BSN: variants seen among roughly 807,000 people sequenced by gnomAD.
BSN encodes protein bassoon.
A neutral mutation model predicts 264.8 loss-of-function variants in BSN; 57 were observed. That is an observed-to-expected ratio of 0.22 (90% CI 0.17 to 0.27). The LOEUF (loss-of-function observed/expected upper bound fraction) is 0.27. Among genes scored for constraint, BSN ranks in the 10% least tolerant of loss-of-function variants. The probability of loss-of-function intolerance (pLI) is 1.00; values close to 1 mark genes in which losing one functional copy is unlikely to be tolerated. For synonymous variants in BSN, 2,059 were observed against 2,137.3 expected, an observed-to-expected ratio of 0.96 and a Z score of 1.01; for missense variants, 4,615 against 5,232.5, an observed-to-expected ratio of 0.88 and a Z score of 3.64.
Position 49,670,993 on chromosome 3 carries a change from G to A in BSN, c.*3508G>A, listed in dbSNP as rs899159587. 6.6e-6 allele frequency: 1 copy of A among 152,266 alleles called. No homozygotes were observed. The highest frequency in any genetic ancestry group is 2.4e-5 in the African/African-American group (1 of 41,426). The allele number at this position is 152,266 out of a possible 1,614,324, so 9.4% of individuals were successfully genotyped here. ...TCATGGACTCCAACAGGGTTAGAGG[G>A]ACAGGCCTAATCAACTGAAACTCCT... On this transcript the variant is annotated 3_prime_UTR_variant, in exon 12 of 12. Transcript: ENST00000296452.
Position 49,660,670 on chromosome 3 carries a change from G to A in BSN, c.8825G>A (p.Arg2942Gln), listed in dbSNP as rs889472144. 42 of 1,613,192 alleles carry A rather than the reference G, an allele frequency of 2.6e-5. 1 individual carries two copies. The Middle Eastern group carries it at 9.9e-4, about 38-fold the overall frequency. ...TVPATKASLLRELDRDLRLVE... is the reference protein window; with the variant it reads ...TVPATKASLLQELDRDLRLVE... ...CCTGCTACCAAGGCCAGCCTGCTCCGGGAGCTGGACCGGGACCTGCGGCTG... is the reference window on the plus strand; with the variant it reads ...CCTGCTACCAAGGCCAGCCTGCTCCAGGAGCTGGACCGGGACCTGCGGCTG... Residue 2942 changes from arginine (R) to glutamine (Q), a missense_variant, in exon 6 of 12, where the codon CGG becomes CAG. Physicochemically the swap from Arg to Gln is conservative, Grantham distance 43 (BLOSUM62 1). Coordinates refer to ENST00000296452, the MANE Select transcript of BSN (RefSeq NM_003458.4). The surrounding 1 kb of genome is among the most constrained non-coding windows in gnomAD (Gnocchi z 7.1).
intron 9 of BSN, 25 bp downstream of exon 9, chr3:49,664,579 G>A: frequency 6.4e-7 from 1 of 1,573,282 alleles, no homozygotes; most frequent in Non-Finnish European, 8.6e-7. Flanking sequence ...CAACTGGTCT[G>A]TGGTGGGTGG....
intron 1 of BSN, among the ~76,000 whole-genome samples, chr3:49,605,517 T>TA (rs2052115739): frequency 6.4e-4 from 3 of 4,680 alleles, no homozygotes; most frequent in Admixed American, 5.8e-3. Context: ...TTATATAATA[T>TA]ATATATAATA....
chr3:49,663,168 C>G lies in BSN; in HGVS notation c.11010C>G (p.His3670Gln), dbSNP rs761647159. 3 of 1,613,412 alleles carry G rather than the reference C, an allele frequency of 1.9e-6. No homozygotes were observed. In the South Asian group the frequency reaches 3.3e-5, roughly 18 times the overall value. ...CGGGACGGCGTGCTGCCAAACCACA[C>G]GCTCGGGACCTGGGTCGCCATGAGG... ...EEPGRRAAKP[H>Q]ARDLGRHEAR... The change falls in exon 7 of 12, where the codon CAC becomes CAG. Residue 3670 changes from histidine to glutamine, a missense_variant. His to Gln is a conservative substitution (Grantham distance 24). This residue lies in a region of BSN where 3,415 missense variants were observed against 3,866.4 expected (regional missense o/e 0.88). Transcript: ENST00000296452.
At chr3:49,575,138 G>A (rs1418664071) in intron 1 of BSN, among the ~76,000 whole-genome samples, 1 of 152,034 alleles carries the variant, frequency 6.6e-6, no homozygotes, top group African/African-American at 2.4e-5. Flanking sequence ...CTTGAGGTCA[G>A]GCTTGAGTTG....
chr3:49,663,460 C>G lies in BSN; in HGVS notation c.11302C>G (p.Pro3768Ala), dbSNP rs146570799. 6.2e-7 allele frequency: 1 copy of G among 1,613,004 alleles called. No homozygotes were observed. The highest frequency in any genetic ancestry group is 1.1e-5 in the South Asian group (1 of 91,086). ...QSQSPSSRQI[P>A]SGAASRQPQT... ...ACAGTCACCATCATCCAGGCAAATA[C>G]CCTCTGGGGCAGCATCACGCCAGCC... The change falls in exon 7 of 12, where the codon CCC (proline) becomes GCC (alanine). Residue 3768 changes from proline to alanine, a missense_variant. Pro to Ala is a conservative substitution (Grantham distance 27). This residue lies in a region of BSN where 3,415 missense variants were observed against 3,866.4 expected (regional missense o/e 0.88). Transcript: ENST00000296452.
intron 1 of BSN, among the ~76,000 whole-genome samples, chr3:49,572,825 G>T (rs764597599): frequency 1.3e-5 from 2 of 152,158 alleles, no homozygotes; most frequent in African/African-American, 4.8e-5. Flanking sequence ...GAGCCACCGC[G>T]CCCAGCCACC....
chr3:49,560,293 C>G (rs2051702596), intron 1 of BSN, among the ~76,000 whole-genome samples: 1 of 152,196 alleles, frequency 6.6e-6, no homozygotes, highest in South Asian at 2.1e-4. Context: ...GTTGCTGGAG[C>G]CTGTGGGCCA....
Position 49,661,461 on chromosome 3 carries a change from G to C in BSN, c.9616G>C (p.Val3206Leu). 1 of 1,613,376 alleles carries C rather than the reference G, an allele frequency of 6.2e-7. No individual in the cohort carries two copies. The highest frequency in any genetic ancestry group is 8.5e-7 in the Non-Finnish European group (1 of 1,179,866). Reference sequence around the variant, plus strand: ...GCCCCGGGCTGGTGACCGTGGCAGTGTGAGCCAGAGCCCAGCCCCCACCTA... The same window carrying C: ...GCCCCGGGCTGGTGACCGTGGCAGTCTGAGCCAGAGCCCAGCCCCCACCTA... ...EVPRAGDRGS[V>L]SQSPAPTYPS... is the part of the protein sequence containing the mutation. Residue 3206 changes from valine (V) to leucine (L), a missense_variant, in exon 6 of 12, where the codon GTG (valine) becomes CTG (leucine). Val to Leu is a conservative substitution (Grantham distance 32). This residue lies in a region of BSN where 3,415 missense variants were observed against 3,866.4 expected (regional missense o/e 0.88). Transcript: ENST00000296452.
Position 49,664,541 on chromosome 3 carries a change from C to T in BSN, c.11727C>T (p.Gly3909=). ...CTGGCGGGGCAGCCGAGCAAGCTGG[C>T]AAACTGACGGAAGGTATGCACTGCC... ...ILPGGAAEQA[G]KLTEAVSAFG... is the part of the protein sequence containing the mutation. Residue 3909 remains glycine, a synonymous_variant, in exon 9 of 12, where the codon GGC becomes GGT. Transcript: ENST00000296452. The T allele has an allele frequency of 6.2e-7, 1 of 1,606,010 alleles. No individual in the cohort carries two copies.
At chr3:49,566,512 C>CTT (rs1457771266) in intron 1 of BSN, among the ~76,000 whole-genome samples, 37 of 152,100 alleles carry the variant, frequency 2.4e-4, no homozygotes, top group Non-Finnish European at 5.0e-4. Context: ...GGCCTGGGTG[C>CTT]AGTGGCTCCC....
chr3:49,663,712 T>C, intron 7 of BSN, 46 bp downstream of exon 7: 1 of 1,607,250 alleles, frequency 6.2e-7, no homozygotes, highest in Non-Finnish European at 8.5e-7. Flanking sequence ...GAAGATGCTA[T>C]GAATGAAGCT....
At chr3:49,588,936 A>G (rs564310410) in intron 1 of BSN, among the ~76,000 whole-genome samples, 1 of 146,818 alleles carries the variant, frequency 6.8e-6, no homozygotes, top group African/African-American at 2.5e-5. Context: ...TTTTTTTGAG[A>G]CAGAGTCTCG....
At chr3:49,604,325 T>C (rs771940700) in intron 1 of BSN, among the ~76,000 whole-genome samples, 15 of 152,124 alleles carry the variant, frequency 9.9e-5, no homozygotes, top group Admixed American at 2.6e-4. Flanking sequence ...CCAGAACTTT[T>C]TCATCATCCC....
At chr3:49,646,270 G>A (rs1423385064) in intron 3 of BSN, among the ~76,000 whole-genome samples, 2 of 152,092 alleles carry the variant, frequency 1.3e-5, no homozygotes, top group African/African-American at 4.8e-5. Flanking sequence ...TTGTCTTTTG[G>A]AAGGATAATA....
rs1033262886 is a variant in BSN at position 49,554,789 on chromosome 3, C to T, written c.187C>T (p.Pro63Ser). 4 of 1,223,110 alleles carry T rather than the reference C, an allele frequency of 3.3e-6. No homozygotes were observed. Among genetic ancestry groups the T allele is most frequent in the East Asian group, 3.2e-5 (1 of 31,012 alleles). The allele number at this position is 1,223,110 out of a possible 1,614,324, so 75.8% of individuals were successfully genotyped here. Reference protein sequence around the residue: ...RSTAVPPVPGPGPGPGPGPGP... With the variant: ...RSTAVPPVPGSGPGPGPGPGP... ...GACCGCGGTACCACCGGTCCCTGGC[C>T]CCGGCCCCGGCCCCGGTCCCGGCCC... Residue 63 changes from proline (P) to serine (S), a missense_variant, in exon 1 of 12, where the codon CCC (proline) becomes TCC (serine). By Grantham distance (74) the Pro-to-Ser change is moderately conservative. Transcript: ENST00000296452.
At chr3:49,573,877 G>A (rs1290868891) in intron 1 of BSN, among the ~76,000 whole-genome samples, 3 of 151,932 alleles carry the variant, frequency 2.0e-5, no homozygotes, top group African/African-American at 7.3e-5. Context: ...GGCTGGTCTC[G>A]AACTCCCGAC....
chr3:49,555,083 C>G (rs1447079517), intron 1 of BSN, among the ~76,000 whole-genome samples: 1 of 152,198 alleles, frequency 6.6e-6, no homozygotes, highest in Non-Finnish European at 1.5e-5. Context: ...ACCCCAAATT[C>G]GCTTCTCCCC....
At chr3:49,582,669 A>G (rs775519941) in intron 1 of BSN, among the ~76,000 whole-genome samples, 1 of 152,200 alleles carries the variant, frequency 6.6e-6, no homozygotes, top group Non-Finnish European at 1.5e-5. Context: ...TAGGACTTCC[A>G]GTACTATGTT....
Sources: allele counts gnomAD v4.1 joint callset (sites outside exome capture counted in the v4.1 genomes callset), GRCh38; gene constraint gnomAD v4.1.1; regional missense constraint gnomAD v4.1.1; non-coding constraint Gnocchi (gnomAD v3.1); transcripts MANE v1.5; gene names NCBI Gene and HGNC (gene_info 2026-07-23, HGNC 2026-07-21).